Variants in JPT1 observed in about 807,000 individuals in gnomAD.
JPT1 encodes androgen-regulated protein 2.
Under a neutral mutation model 17.0 loss-of-function variants are expected in JPT1, and 5 were observed. The observed-to-expected ratio is 0.29, with a 90% CI of 0.15 to 0.62. The LOEUF is 0.62. Among genes scored for constraint, JPT1 ranks in the 20% least tolerant of loss-of-function variants. JPT1 has a pLI of 0.85. For synonymous variants in JPT1, 71 were observed against 73.6 expected (o/e 0.96, Z 0.18); for missense variants, 158 against 188.1 (o/e 0.84, Z 0.94).
At position 75,135,372 on chromosome 17, in the gene JPT1, T is replaced by C. The variant is rs933878008; in HGVS notation, c.*730A>G. The C allele has an allele frequency of 1.3e-5, 2 of 152,556 alleles. No homozygotes were observed. The highest frequency in any genetic ancestry group is 2.9e-5 in the Non-Finnish European group (2 of 68,076). The allele number at this position is 152,556 out of a possible 1,614,324, so 9.5% of individuals were successfully genotyped here. On this transcript the variant is annotated 3_prime_UTR_variant, in exon 5 of 5. Coordinates refer to ENST00000409753, the MANE Select transcript of JPT1 (RefSeq NM_016185.4). ...CATCATGCACACAGCATCAGGTTAT[T>C]TAAAACAACACGCCTGTGGGACCCC...
intron 4 of JPT1, among the ~76,000 whole-genome samples, chr17:75,139,183 G>A (rs546088156): frequency 3.0e-4 from 45 of 152,210 alleles, no homozygotes; most frequent in Non-Finnish European, 4.7e-4. Flanking sequence ...AAGAGAATTC[G>A]GACTGAGACA....
At chr17:75,154,115 T>A in intron 1 of JPT1, 1 of 252,822 alleles carries the variant, frequency 4.0e-6, no homozygotes, top group Non-Finnish European at 7.4e-6. Flanking sequence ...AGCCCCTGAC[T>A]CCGTGGAAGG....
intron 4 of JPT1, among the ~76,000 whole-genome samples, chr17:75,137,992 T>C (rs899342854): frequency 1.3e-5 from 2 of 151,388 alleles, no homozygotes; most frequent in African/African-American, 4.9e-5. Flanking sequence ...GTTTCACACA[T>C]GTTGTCCAGG....
chr17:75,141,800 G>A (rs753483463), intron 4 of JPT1, among the ~76,000 whole-genome samples: 4 of 151,838 alleles, frequency 2.6e-5, no homozygotes, highest in Non-Finnish European at 5.9e-5. Flanking sequence ...GAGGCTGGGC[G>A]CAGTGGCTCA....
At chr17:75,139,024 T>C (rs2074260720) in intron 4 of JPT1, among the ~76,000 whole-genome samples, 1 of 152,206 alleles carries the variant, frequency 6.6e-6, no homozygotes, top group African/African-American at 2.4e-5. Context: ...CACCCATTAG[T>C]TTCCTTGGTT....
At chr17:75,154,293 T>A (rs987952130) in intron 1 of JPT1, 49 bp downstream of exon 1, 2 of 1,466,176 alleles carry the variant, frequency 1.4e-6, no homozygotes, top group Admixed American at 4.5e-5. Context: ...GCAGCGGCCC[T>A]CCCAGCCCCT....
At position 75,136,246 on chromosome 17, in the gene JPT1, A is replaced by G. The variant is rs2074193460; in HGVS notation, c.321T>C (p.Asn107=). The part of the protein sequence containing the change: ...DLKGEGDIHE[N]VDTDLPGSLG... ...GGCTGCCTGGCAAGTCTGTGTCCAC[A>G]TTTTCTATGAAAACAGGGAATAGAA... The change falls in exon 5 of 5, where the codon AAT becomes AAC. Residue 107 remains asparagine, a synonymous_variant. Coordinates refer to ENST00000409753, the MANE Select transcript of JPT1 (RefSeq NM_016185.4). The G allele has an allele frequency of 1.3e-6, 2 of 1,576,792 alleles. No individual in the cohort carries two copies. The highest frequency in any genetic ancestry group is 2.3e-5 in the East Asian group (1 of 44,346).
At chr17:75,147,084 TC>T (rs1298337374) in intron 3 of JPT1, among the ~76,000 whole-genome samples, 2 of 152,058 alleles carry the variant, frequency 1.3e-5, no homozygotes, top group African/African-American at 4.8e-5. Flanking sequence ...TCCAGTTCTC[TC>T]CCCACTCAGA....
intron 4 of JPT1, among the ~76,000 whole-genome samples, chr17:75,140,408 C>A (rs2074286169): frequency 6.6e-6 from 1 of 152,052 alleles, no homozygotes; most frequent in African/African-American, 2.4e-5. Context: ...GAAAATGATT[C>A]ATTGTAAGCA....
At position 75,148,430 on chromosome 17, in the gene JPT1, T is replaced by C. The variant is rs543779602; in HGVS notation, c.199+99A>G. ...CCAGCTAATTTTTGTTTTGTTTTGT[T>C]TTTTAGACACGGGGGCACATGCTGG... On this transcript the variant is annotated intron_variant, in intron 2 of 4. Transcript: ENST00000409753. 4.7e-5 allele frequency: 68 copies of C among 1,447,726 alleles called. No individual in the cohort carries two copies. The South Asian group carries it at 7.9e-4, about 17-fold the overall frequency. 89.7% of individuals were successfully genotyped at this position (1,447,726 alleles called of 1,614,324 possible).
At chr17:75,144,387 C>T (rs1393949971) in intron 4 of JPT1, among the ~76,000 whole-genome samples, 2 of 152,070 alleles carry the variant, frequency 1.3e-5, no homozygotes, top group African/African-American at 4.8e-5. Context: ...GTGGCATACA[C>T]CTGTATCCCA....
intron 4 of JPT1, among the ~76,000 whole-genome samples, chr17:75,144,440 A>T (rs1328304463): frequency 6.6e-6 from 1 of 152,146 alleles, no homozygotes; most frequent in Non-Finnish European, 1.5e-5. Flanking sequence ...TCAGCTCAGG[A>T]GTTTGAAGTT....
At position 75,154,476 on chromosome 17, in the gene JPT1, CACCCA is replaced by C. The variant is rs898116691; in HGVS notation, c.-84_-80del. On this transcript the variant is annotated 5_prime_UTR_variant, in exon 1 of 5. Transcript: ENST00000409753. ...ACCCGAGGGGCGCTGGGAAACTCCA[CACCCA>C]ACAGCCGACCACCGCTGCAGGAGCC... 2.1e-5 allele frequency: 29 copies of C among 1,349,358 alleles called. No homozygotes were observed. The highest frequency in any genetic ancestry group is 4.2e-5 in the Admixed American group (2 of 47,240). 83.6% of individuals were successfully genotyped at this position (1,349,358 alleles called of 1,614,324 possible).
intron 4 of JPT1, among the ~76,000 whole-genome samples, chr17:75,140,072 C>T (rs983916567): frequency 9.9e-5 from 15 of 152,066 alleles, no homozygotes; most frequent in Non-Finnish European, 2.1e-4. Context: ...CGCGTGCCAC[C>T]ACGCCTGGCT....
intron 1 of JPT1, 133 bp from the exon 2 acceptor site, chr17:75,148,804 A>G: frequency 9.3e-7 from 1 of 1,080,796 alleles, no homozygotes; most frequent in Non-Finnish European, 1.3e-6. Flanking sequence ...AGCTGCTAAC[A>G]GGAAAAAAGA....
Position 75,154,384 on chromosome 17 carries a change from G to T in JPT1, c.14C>A (p.Thr5Asn). MTTT[T>N]TFKGVDPNSR... ...GTTGGGGTCGACTCCCTTGAAGGTGGTGGTTGTGGTCATGGCGCCGAGGAG... is the reference window on the plus strand; with the variant it reads ...GTTGGGGTCGACTCCCTTGAAGGTGTTGGTTGTGGTCATGGCGCCGAGGAG... Residue 5 changes from threonine (T) to asparagine (N), a missense_variant, in exon 1 of 5, where the codon ACC becomes AAC. Thr to Asn is a moderately conservative substitution (Grantham distance 65, BLOSUM62 0). Coordinates refer to ENST00000409753, the MANE Select transcript of JPT1 (RefSeq NM_016185.4). 3 of 1,549,198 alleles carry T rather than the reference G, an allele frequency of 1.9e-6. No individual in the cohort carries two copies. The highest frequency in any genetic ancestry group is 1.7e-6 in the Non-Finnish European group (2 of 1,146,144).
intron 4 of JPT1, 126 bp downstream of exon 4, chr17:75,146,540 C>CG (rs2074438294): frequency 3.1e-6 from 2 of 654,062 alleles, no homozygotes; most frequent in South Asian, 3.9e-5. Context: ...TAGAGTATGG[C>CG]GGCACTTGGG....
At chr17:75,143,191 T>G (rs1276682646) in intron 4 of JPT1, among the ~76,000 whole-genome samples, 1 of 152,220 alleles carries the variant, frequency 6.6e-6, no homozygotes, top group Non-Finnish European at 1.5e-5. Flanking sequence ...TCCATTGGTA[T>G]GAAATCAAAC....
intron 4 of JPT1, among the ~76,000 whole-genome samples, chr17:75,144,902 T>A (rs2074394294): frequency 6.6e-6 from 1 of 151,606 alleles, no homozygotes. Flanking sequence ...CACGTTTGAG[T>A]GTTTTCCCCC....
Sources: gnomAD v4.1 joint callset for allele counts (sites outside exome capture counted in the v4.1 genomes callset) on GRCh38, gnomAD v4.1.1 for gene constraint, MANE v1.5 for transcripts, NCBI Gene and HGNC (gene_info 2026-07-23, HGNC 2026-07-21) for gene names.